The following IFNK variants were observed in gnomAD, a reference collection of about 807,000 sequenced individuals.
IFNK encodes the protein interferon kappa.
A neutral mutation model predicts 12.0 loss-of-function variants in IFNK; 13 were observed. That is an observed-to-expected ratio of 1.08 (90% CI 0.70 to 1.72). IFNK has a LOEUF of 1.72. Among genes scored for constraint, IFNK ranks in the 40% most tolerant of loss-of-function variants. The pLI, the probability that IFNK is intolerant of heterozygous loss-of-function variation, is 0.00. For missense variants in IFNK, 248 were observed against 237.0 expected, an observed-to-expected ratio of 1.05 and a Z score of -0.30; for synonymous variants, 94 against 82.3, an observed-to-expected ratio of 1.14 and a Z score of -0.77.
In IFNK at chr9:27,524,556, C is replaced by T. The variant is rs749132417; in HGVS notation, c.220C>T (p.Gln74Ter). The T allele has an allele frequency of 3.1e-6, 5 of 1,613,926 alleles. No individual in the cohort carries two copies. The East Asian group carries it at 8.9e-5, about 29-fold the overall frequency. ...IAFELPQEFL[Q>*]YTQPMKRDIK... ...TTTTGAGTTGCCCCAAGAGTTTCTG[C>T]AATACACCCAACCTATGAAGAGGGA... Residue 74 changes from glutamine (Q) to a stop codon, truncating the protein, a stop_gained, in exon 1 of 2, where the codon CAA becomes TAA. Coordinates refer to ENST00000276943, the MANE Select transcript of IFNK (RefSeq NM_020124.3). LOFTEE classifies it high-confidence loss of function.
intron 1 of IFNK, among the ~76,000 whole-genome samples, chr9:27,525,610 T>C (rs2131511593): frequency 6.6e-6 from 1 of 152,300 alleles, no homozygotes; most frequent in South Asian, 2.1e-4. Flanking sequence ...CATTTAACCT[T>C]TGAGAGTCTG....
Position 27,524,972 on chromosome 9 carries a change from G to A in IFNK, c.*1+11G>A, listed in dbSNP as rs1327472071. 5 of 1,549,780 alleles carry A rather than the reference G, an allele frequency of 3.2e-6. No homozygotes were observed. The South Asian group carries it at 5.0e-5, about 15-fold the overall frequency. On this transcript the variant is annotated intron_variant, in intron 1 of 1. Transcript: ENST00000276943. ...TCAGGAGGAAATAAGGTATATTTTT[G>A]GAATTAAAATTCCTTTTCCCTCCGA...
In IFNK at chr9:27,524,350, C is replaced by G. The variant is rs767999820; in HGVS notation, c.14C>G (p.Pro5Arg). 54 of 1,611,572 alleles carry G rather than the reference C, an allele frequency of 3.4e-5. No homozygotes were observed. The highest frequency in any genetic ancestry group is 4.4e-5 in the Non-Finnish European group (52 of 1,178,872). MSTKPDMIQKCLWLE... is the reference protein window; with the variant it reads MSTKRDMIQKCLWLE... ...CTTGCAAAAAAAATGAGCACCAAACCTGATATGATTCAAAAGTGTTTGTGG... is the reference window on the plus strand; with the variant it reads ...CTTGCAAAAAAAATGAGCACCAAACGTGATATGATTCAAAAGTGTTTGTGG... Residue 5 changes from proline to arginine, a missense_variant, in exon 1 of 2, where the codon CCT becomes CGT. Physicochemically the swap from Pro to Arg is moderately radical, Grantham distance 103 (BLOSUM62 -2). Transcript: ENST00000276943.
In IFNK at chr9:27,524,571, A is replaced by G. The variant is rs1820399528; in HGVS notation, c.235A>G (p.Met79Val). 6.2e-7 allele frequency: 1 copy of G among 1,613,974 alleles called. No homozygotes were observed. Among genetic ancestry groups the G allele is most frequent in the Admixed American group, 1.7e-5 (1 of 60,002 alleles). ...PQEFLQYTQP[M>V]KRDIKKAFYE... ...AGAGTTTCTGCAATACACCCAACCT[A>G]TGAAGAGGGACATCAAGAAGGCCTT... is the stretch of plus-strand genomic sequence containing the variant. The change falls in exon 1 of 2, where the codon ATG becomes GTG. Residue 79 changes from methionine (M) to valine (V), a missense_variant. Coordinates refer to ENST00000276943, the MANE Select transcript of IFNK (RefSeq NM_020124.3).
In IFNK at chr9:27,526,067, G is replaced by A. The variant is rs995739047; in HGVS notation, c.*62G>A. 1.3e-5 allele frequency: 2 copies of A among 152,178 alleles called. No homozygotes were observed. Among genetic ancestry groups the A allele is most frequent in the Non-Finnish European group, 2.9e-5 (2 of 68,036 alleles). The allele number at this position is 152,178 out of a possible 1,614,324, so 9.4% of individuals were successfully genotyped here. A position where few individuals can be genotyped will look rare whatever the true frequency, so the allele number is the denominator to read the frequency against. ...GTGGCTACGCAAATGCACCAAAAAAGGGTGAAATATATCTGAAATGTACCT... is the reference window on the plus strand; with the variant it reads ...GTGGCTACGCAAATGCACCAAAAAAAGGTGAAATATATCTGAAATGTACCT... On this transcript the variant is annotated 3_prime_UTR_variant, in exon 2 of 2. Coordinates refer to ENST00000276943, the MANE Select transcript of IFNK (RefSeq NM_020124.3).
rs777627311 is a variant in IFNK at position 27,524,726 on chromosome 9, G to A, written c.390G>A (p.Glu130=). ...CAGAGTACCTGAACCAATGCTTGGA[G>A]GAAGACAAGAATGAAAATGAAGACA... is the stretch of plus-strand genomic sequence containing the variant. ...QQAEYLNQCL[E]EDKNENEDMK... is the part of the protein sequence containing the mutation. Residue 130 remains glutamate, a synonymous_variant, in exon 1 of 2, where the codon GAG becomes GAA. Transcript: ENST00000276943. The A allele has an allele frequency of 3.1e-6, 5 of 1,614,020 alleles. No individual in the cohort carries two copies. Among genetic ancestry groups the A allele is most frequent in the Non-Finnish European group, 4.2e-6 (5 of 1,179,958 alleles).
At chr9:27,525,094 AG>A in intron 1 of IFNK, 133 bp downstream of exon 1, 1 of 715,466 alleles carries the variant, frequency 1.4e-6, no homozygotes, top group Non-Finnish European at 2.2e-6. Context: ...TCGGAACATC[AG>A]GGACACTCAC....
At position 27,524,435 on chromosome 9, in the gene IFNK, G is replaced by T; in HGVS notation, c.99G>T (p.Leu33=). 6.2e-7 allele frequency: 1 copy of T among 1,614,050 alleles called. No homozygotes were observed. Among genetic ancestry groups the T allele is most frequent in the Middle Eastern group, 1.6e-4 (1 of 6,062 alleles). The change falls in exon 1 of 2, where the codon CTG becomes CTT. Residue 33 remains leucine, a synonymous_variant. Coordinates refer to ENST00000276943, the MANE Select transcript of IFNK (RefSeq NM_020124.3). ...CCCTATCCCTGGACTGTAACTTACT[G>T]AACGTTCACCTGAGAAGAGTCACCT... The part of the protein sequence containing the change: ...AGTLSLDCNL[L]NVHLRRVTWQ...
rs201109299 is a variant in IFNK at position 27,524,801 on chromosome 9, C to G, written c.465C>G (p.Pro155=). Residue 155 remains proline (P), a synonymous_variant, in exon 1 of 2, where the codon CCC becomes CCG. Coordinates refer to ENST00000276943, the MANE Select transcript of IFNK (RefSeq NM_020124.3). The stretch of plus-strand genomic sequence containing the variant: ...TGAAACCCTCAGAAGCCAGGGTCCC[C>G]CAGCTGAGCAGCCTGGAACTGAGGA... The part of the protein sequence containing the change: ...NEMKPSEARV[P]QLSSLELRRY... The G allele has an allele frequency of 1.5e-4, 243 of 1,614,008 alleles. 1 individual carries two copies. The Admixed American group carries it at 2.5e-3, about 17-fold the overall frequency.
chr9:27,524,473 G>A lies in IFNK; in HGVS notation c.137G>A (p.Arg46Lys). Residue 46 changes from arginine to lysine, a missense_variant, in exon 1 of 2, where the codon AGA becomes AAA. Physicochemically the swap from Arg to Lys is conservative, Grantham distance 26 (BLOSUM62 2). Transcript: ENST00000276943. ...AGAAGAGTCACCTGGCAAAATCTGA[G>A]ACATCTGAGTAGTATGAGCAATTCA... is the stretch of plus-strand genomic sequence containing the variant. ...HLRRVTWQNLRHLSSMSNSFP... is the reference protein window; with the variant it reads ...HLRRVTWQNLKHLSSMSNSFP... 6.2e-7 allele frequency: 1 copy of A among 1,614,070 alleles called. No homozygotes were observed. Among genetic ancestry groups the A allele is most frequent in the South Asian group, 1.1e-5 (1 of 91,070 alleles).
rs779344446 is a variant in IFNK at position 27,524,868 on chromosome 9, T to C, written c.532T>C (p.Tyr178His). Reference sequence around the variant, plus strand: ...AGACAATTTCCTGAAAGAAAAGAAATACAGTGACTGTGCCTGGGAGATTGT... The same window carrying C: ...AGACAATTTCCTGAAAGAAAAGAAACACAGTGACTGTGCCTGGGAGATTGT... ...RIDNFLKEKK[Y>H]SDCAWEIVRV... Residue 178 changes from tyrosine to histidine, a missense_variant, in exon 1 of 2, where the codon TAC becomes CAC. Physicochemically the swap from Tyr to His is moderately conservative, Grantham distance 83. Coordinates refer to ENST00000276943, the MANE Select transcript of IFNK (RefSeq NM_020124.3). 8 of 1,613,940 alleles carry C rather than the reference T, an allele frequency of 5.0e-6. No homozygotes were observed. Among genetic ancestry groups the C allele is most frequent in the South Asian group, 1.1e-5 (1 of 91,060 alleles).
In IFNK at chr9:27,525,345, A is replaced by C. The variant is rs183399807; in HGVS notation, c.*1+384A>C. 1.9e-4 allele frequency among the ~76,000 whole-genome samples: 29 copies of C among 152,282 alleles called. No homozygotes were observed. In the East Asian group the frequency reaches 5.0e-3, roughly 26 times the overall value. On this transcript the variant is annotated intron_variant, in intron 1 of 1. Coordinates refer to ENST00000276943, the MANE Select transcript of IFNK (RefSeq NM_020124.3). Reference sequence around the variant, plus strand: ...CAAAATGGTAACATTTCAATGACTTAACTGTTTTGCTGCCAAGGTTGCTTA... The same window carrying C: ...CAAAATGGTAACATTTCAATGACTTCACTGTTTTGCTGCCAAGGTTGCTTA...
At position 27,524,681 on chromosome 9, in the gene IFNK, A is replaced by T; in HGVS notation, c.345A>T (p.Gln115His). 1 of 1,614,090 alleles carries T rather than the reference A, an allele frequency of 6.2e-7. No individual in the cohort carries two copies. Among genetic ancestry groups the T allele is most frequent in the Non-Finnish European group, 8.5e-7 (1 of 1,179,980 alleles). The change falls in exon 1 of 2, where the codon CAA becomes CAT. Residue 115 changes from glutamine to histidine, a missense_variant. Coordinates refer to ENST00000276943, the MANE Select transcript of IFNK (RefSeq NM_020124.3). Reference sequence around the variant, plus strand: ...AAGAGAGACACCTCAAACAAATCCAAATAGGACTTGATCAGCAAGCAGAGT... The same window carrying T: ...AAGAGAGACACCTCAAACAAATCCATATAGGACTTGATCAGCAAGCAGAGT... ...YWKERHLKQI[Q>H]IGLDQQAEYL...
chr9:27,524,309 C>G lies in IFNK; in HGVS notation c.-28C>G, dbSNP rs1820392046. On this transcript the variant is annotated 5_prime_UTR_variant, in exon 1 of 2. In the 5' UTR this introduces an upstream ATG that the reference lacks. Transcript: ENST00000276943. ...CAAAACATCATTGTCATATACACATCTTCTGGATTTTTTAGCTTGCAAAAA... is the reference window on the plus strand; with the variant it reads ...CAAAACATCATTGTCATATACACATGTTCTGGATTTTTTAGCTTGCAAAAA... 1 of 1,598,368 alleles carries G rather than the reference C, an allele frequency of 6.3e-7. No individual in the cohort carries two copies. The highest frequency in any genetic ancestry group is 1.7e-5 in the Admixed American group (1 of 58,530).
chr9:27,525,389 C>T (rs1563890873), intron 1 of IFNK, among the ~76,000 whole-genome samples: 1 of 152,186 alleles, frequency 6.6e-6, no homozygotes, highest in Non-Finnish European at 1.5e-5. Flanking sequence ...AAATTCAGCA[C>T]ATTAAAAGAG....
chr9:27,524,940 G>T lies in IFNK; in HGVS notation c.604G>T (p.Ala202Ser). The change falls in exon 1 of 2, where the codon GCT (alanine) becomes TCT (serine). Residue 202 changes from alanine (A) to serine (S), a missense_variant. Transcript: ENST00000276943. ...TTTGTATTACTTTTACAAATTTACAGCTCTATTCAGGAGGAAATAAGGTAT... is the reference window on the plus strand; with the variant it reads ...TTTGTATTACTTTTACAAATTTACATCTCTATTCAGGAGGAAATAAGGTAT... ...RCLYYFYKFTALFRRK is the reference protein window; with the variant it reads ...RCLYYFYKFTSLFRRK The T allele has an allele frequency of 6.3e-7, 1 of 1,598,510 alleles. No homozygotes were observed.
rs141660681 is a variant in IFNK at position 27,524,599 on chromosome 9, A to G, written c.263A>G (p.Tyr88Cys). The G allele has an allele frequency of 4.9e-4, 795 of 1,614,164 alleles. 1 individual carries two copies. The African/African-American group carries it at 6.8e-3, about 14-fold the overall frequency. The change falls in exon 1 of 2, where the codon TAT becomes TGT. Residue 88 changes from tyrosine (Y) to cysteine (C), a missense_variant. Tyr to Cys is a radical substitution (Grantham distance 194, BLOSUM62 -2). Transcript: ENST00000276943. Reference sequence around the variant, plus strand: ...AAGAGGGACATCAAGAAGGCCTTCTATGAAATGTCCCTACAGGCCTTCAAC... The same window carrying G: ...AAGAGGGACATCAAGAAGGCCTTCTGTGAAATGTCCCTACAGGCCTTCAAC... ...PMKRDIKKAF[Y>C]EMSLQAFNIF...
rs748254243 is a variant in IFNK, at chr9:27,524,537, GT to G, written c.203del (p.Leu68CysfsTer12). The G allele has an allele frequency of 1.2e-5, 20 of 1,613,996 alleles. No individual in the cohort carries two copies. Among genetic ancestry groups the G allele is most frequent in the Admixed American group, 3.3e-5 (2 of 60,000 alleles). ...GTCTACGAGAAAACATAGCTTTTGA[GT>G]TGCCCCAAGAGTTTCTGCAATACAC... ...ECLRENIAFELPQEFLQYTQP... is the reference protein window; with the variant it reads ...ECLRENIAFEXPQEFLQYTQP... On this transcript the variant is annotated frameshift_variant, in exon 1 of 2. Transcript: ENST00000276943. LOFTEE classifies it high-confidence loss of function.
In IFNK at chr9:27,526,360, C is replaced by T. The variant is rs1820436668; in HGVS notation, c.*355C>T. 2 of 152,208 alleles carry T rather than the reference C, an allele frequency of 1.3e-5. No homozygotes were observed. The highest frequency in any genetic ancestry group is 2.9e-5 in the Non-Finnish European group (2 of 68,038). The allele number at this position is 152,208 out of a possible 1,614,324, so 9.4% of individuals were successfully genotyped here. On this transcript the variant is annotated 3_prime_UTR_variant, in exon 2 of 2. Transcript: ENST00000276943. ...CAAACCATTTAGTAAAAATAACTAT[C>T]AGCAGAGTTGTTCCAGATTAAAAAT... is the stretch of plus-strand genomic sequence containing the variant.
Sources: allele counts gnomAD v4.1 joint callset (sites outside exome capture counted in the v4.1 genomes callset), GRCh38; gene constraint gnomAD v4.1.1; transcripts MANE v1.5; gene names NCBI Gene and HGNC (gene_info 2026-07-23, HGNC 2026-07-21).